FYN: variants seen among roughly 807,000 people sequenced by gnomAD.
FYN encodes tyrosine-protein kinase Fyn.
In FYN, 10 loss-of-function variants were observed where a neutral mutation model predicts 70.2. The observed-to-expected ratio is 0.14, with a 90% confidence interval of 0.09 to 0.24. The LOEUF (loss-of-function observed/expected upper bound fraction) is 0.24, where lower values mean the gene tolerates loss of function less well. FYN is among the 10% of genes least tolerant of loss of function. FYN has a pLI of 1.00. For synonymous variants in FYN, 236 were observed against 248.6 expected (o/e 0.95, Z 0.48); for missense variants, 319 against 673.1 (o/e 0.47, Z 5.82).
intron 2 of FYN, among the ~76,000 whole-genome samples, chr6:111,826,786 C>T (rs1339681039): frequency 6.6e-6 from 1 of 152,128 alleles, no homozygotes; most frequent in Non-Finnish European, 1.5e-5. Context: ...AATAAGTGAC[C>T]TTGTTCACCG....
chr6:111,811,651 AG>A (rs923448805), intron 2 of FYN, among the ~76,000 whole-genome samples: 37 of 152,264 alleles, frequency 2.4e-4, no homozygotes, highest in African/African-American at 8.4e-4. Context: ...ATGATGGGGC[AG>A]GGGTGAACAA....
intron 3 of FYN, among the ~76,000 whole-genome samples, chr6:111,734,253 C>T (rs1254905373): frequency 1.3e-5 from 2 of 152,124 alleles, no homozygotes; most frequent in African/African-American, 4.8e-5. Flanking sequence ...TCAGCTGAAC[C>T]TCAGGAATTA....
chr6:111,872,569 G>A (rs971450766), intron 1 of FYN, among the ~76,000 whole-genome samples: 6 of 151,874 alleles, frequency 4.0e-5, no homozygotes, highest in Non-Finnish European at 5.9e-5. Flanking sequence ...AGCAGCACGG[G>A]GCATCAATTA....
chr6:111,801,066 A>G (rs943710227), intron 2 of FYN, among the ~76,000 whole-genome samples: 2 of 152,202 alleles, frequency 1.3e-5, no homozygotes, highest in Non-Finnish European at 2.9e-5. Flanking sequence ...CCACAACATT[A>G]AGGATTAGAT....
intron 2 of FYN, among the ~76,000 whole-genome samples, chr6:111,812,899 A>T (rs902733626): frequency 6.6e-6 from 1 of 152,162 alleles, no homozygotes; most frequent in Admixed American, 6.5e-5. Flanking sequence ...AAATATTTTT[A>T]TGGAAAGAGT....
Position 111,684,551 on chromosome 6 carries a change from G to C in FYN, c.1273+9824C>G, listed in dbSNP as rs138102584. Among the ~76,000 whole-genome samples the C allele has an allele frequency of 1.7e-4, 26 of 152,292 alleles. 2 individuals carry two copies. The highest frequency in any genetic ancestry group is 5.8e-4 in the African/African-American group (24 of 41,546). Reference sequence around the variant, plus strand: ...GGAAGGATAGGCAGGATAAATTGTGGAAGGGCATTCGATCCAGACATGGAG... The same window carrying C: ...GGAAGGATAGGCAGGATAAATTGTGCAAGGGCATTCGATCCAGACATGGAG... On this transcript the variant is annotated intron_variant, in intron 12 of 13. Transcript: ENST00000354650.
At chr6:111,811,321 T>G (rs1772317283) in intron 2 of FYN, among the ~76,000 whole-genome samples, 1 of 152,210 alleles carries the variant, frequency 6.6e-6, no homozygotes, top group Non-Finnish European at 1.5e-5. Flanking sequence ...GGAAACGTTT[T>G]AAAGATGCCA....
At chr6:111,846,270 T>G (rs1314178545) in intron 2 of FYN, among the ~76,000 whole-genome samples, 4 of 151,832 alleles carry the variant, frequency 2.6e-5, no homozygotes, top group Non-Finnish European at 4.4e-5. Context: ...GCCTGAAGGC[T>G]CCTCAGCCAT....
At chr6:111,795,608 G>C (rs572055421) in intron 2 of FYN, among the ~76,000 whole-genome samples, 1 of 152,168 alleles carries the variant, frequency 6.6e-6, no homozygotes, top group Non-Finnish European at 1.5e-5. Context: ...ATAAATGGAA[G>C]AACACTCTAC....
Position 111,661,694 on chromosome 6 carries a change from G to C in FYN, c.*45C>G. On this transcript the variant is annotated 3_prime_UTR_variant, in exon 14 of 14. Transcript: ENST00000354650. The surrounding 1 kb of genome is among the most constrained non-coding windows in gnomAD (Gnocchi z 4.0). The stretch of plus-strand genomic sequence containing the variant: ...CGGAATTGAAAGCTAATGGGGAGGG[G>C]TGGGGCAGCCTCTGGGACAAGGCCT... 1 of 1,560,018 alleles carries C rather than the reference G, an allele frequency of 6.4e-7. No homozygotes were observed. The highest frequency in any genetic ancestry group is 1.4e-5 in the African/African-American group (1 of 73,798).
intron 3 of FYN, among the ~76,000 whole-genome samples, chr6:111,731,788 T>C (rs1801469407): frequency 6.6e-6 from 1 of 152,192 alleles, no homozygotes; most frequent in Non-Finnish European, 1.5e-5. Context: ...TCCTACACTT[T>C]ATTGCCTGAA....
chr6:111,796,252 T>C (rs2128517188), intron 2 of FYN, among the ~76,000 whole-genome samples: 1 of 152,330 alleles, frequency 6.6e-6, no homozygotes, highest in Non-Finnish European at 1.5e-5. Context: ...TGCCACATAA[T>C]GAAATTTCAG....
At chr6:111,838,473 G>C (rs145933851) in intron 2 of FYN, among the ~76,000 whole-genome samples, 1 of 152,292 alleles carries the variant, frequency 6.6e-6, no homozygotes, top group African/African-American at 2.4e-5. Context: ...TCACTTTAGT[G>C]GCCTCAGTGA....
intron 3 of FYN, among the ~76,000 whole-genome samples, chr6:111,749,473 C>G (rs936336496): frequency 5.9e-5 from 9 of 152,162 alleles, no homozygotes; most frequent in African/African-American, 2.2e-4. Flanking sequence ...GATGGAAAAA[C>G]TTAAATGCAC....
At chr6:111,695,790 G>A (rs972925757) in intron 10 of FYN, among the ~76,000 whole-genome samples, 1 of 152,166 alleles carries the variant, frequency 6.6e-6, no homozygotes, top group African/African-American at 2.4e-5. Flanking sequence ...GAGAATAAAT[G>A]TGGTCTCTGA....
At chr6:111,804,763 T>C (rs1473349237) in intron 2 of FYN, among the ~76,000 whole-genome samples, 2 of 152,204 alleles carry the variant, frequency 1.3e-5, no homozygotes, top group African/African-American at 4.8e-5. Context: ...ACTGTGGCGT[T>C]GTGTGGAAAC....
intron 3 of FYN, among the ~76,000 whole-genome samples, chr6:111,722,530 A>G (rs1025523324): frequency 6.6e-5 from 10 of 152,168 alleles, no homozygotes; most frequent in African/African-American, 2.4e-4. Context: ...CTTGTCCCAG[A>G]TGTTTTTTCT....
chr6:111,692,684 C>T lies in FYN; in HGVS notation c.1273+1691G>A, dbSNP rs530567905. On this transcript the variant is annotated intron_variant, in intron 12 of 13. Coordinates refer to ENST00000354650, the MANE Select transcript of FYN (RefSeq NM_002037.5). ...ACTCACACACAGAAGGGTGAGCACA[C>T]GGCTCTATTCTAGCCCTTTCCTTAA... Among the ~76,000 whole-genome samples, 4 of 152,352 alleles carry T rather than the reference C, an allele frequency of 2.6e-5. No homozygotes were observed. In the South Asian group the frequency reaches 8.3e-4, roughly 32 times the overall value.
intron 3 of FYN, among the ~76,000 whole-genome samples, chr6:111,775,155 T>A (rs1770876668): frequency 1.3e-5 from 2 of 152,168 alleles, no homozygotes; most frequent in African/African-American, 4.8e-5. Flanking sequence ...CAGTCTTATC[T>A]CTCTAGTCAT....
Sources: allele counts gnomAD v4.1 joint callset (sites outside exome capture counted in the v4.1 genomes callset), GRCh38; gene constraint gnomAD v4.1.1; non-coding constraint Gnocchi (gnomAD v3.1); transcripts MANE v1.5; gene names NCBI Gene and HGNC (gene_info 2026-07-23, HGNC 2026-07-21).